AGBL3: variants seen among roughly 807,000 people sequenced by gnomAD.
AGBL3 encodes the protein cytosolic carboxypeptidase 3.
Under a neutral mutation model 94.5 loss-of-function variants are expected in AGBL3, and 68 were observed. The observed-to-expected ratio is 0.72, with a 90% CI of 0.59 to 0.88. AGBL3 has a LOEUF of 0.88. Among genes scored for constraint, AGBL3 ranks in the 40% least tolerant of loss-of-function variants. AGBL3 has a pLI of 0.00. For missense variants in AGBL3, 934 were observed against 1,103.8 expected (o/e 0.85, Z 2.18); for synonymous variants, 354 against 370.7 (o/e 0.95, Z 0.52).
intron 4 of AGBL3, among the ~76,000 whole-genome samples, chr7:135,009,759 C>T (rs2133453424): frequency 6.6e-6 from 1 of 152,202 alleles, no homozygotes; most frequent in South Asian, 2.1e-4. Context: ...ATCTGCAGCC[C>T]CAAGGGGCTT....
At chr7:135,061,968 G>T (rs1185991523) in intron 12 of AGBL3, among the ~76,000 whole-genome samples, 1 of 151,964 alleles carries the variant, frequency 6.6e-6, no homozygotes. Flanking sequence ...GATCACTTTG[G>T]GTAGTATGGA....
intron 11 of AGBL3, among the ~76,000 whole-genome samples, chr7:135,046,730 A>G (rs1230671687): frequency 1.3e-5 from 2 of 152,122 alleles, no homozygotes; most frequent in African/African-American, 4.8e-5. Context: ...CTACTGAAGG[A>G]CATCTTGGTT....
intron 7 of AGBL3, among the ~76,000 whole-genome samples, chr7:135,036,308 T>C (rs1404736492): frequency 1.3e-5 from 2 of 152,142 alleles, no homozygotes; most frequent in Non-Finnish European, 2.9e-5. Context: ...TTTTGTTATT[T>C]TTATATTGAG....
At chr7:135,032,530 T>C (rs1815871731) in intron 5 of AGBL3, among the ~76,000 whole-genome samples, 2 of 150,098 alleles carry the variant, frequency 1.3e-5, no homozygotes, top group African/African-American at 2.4e-5. Flanking sequence ...TTGCCCAGGG[T>C]GGTCTCGAAC....
intron 4 of AGBL3, among the ~76,000 whole-genome samples, chr7:134,999,296 A>G (rs1811411532): frequency 6.6e-6 from 1 of 152,182 alleles, no homozygotes; most frequent in Non-Finnish European, 1.5e-5. Context: ...ACCCTTTTAT[A>G]GTCTCTGGGG....
At chr7:135,006,554 T>C (rs1812411610) in intron 4 of AGBL3, among the ~76,000 whole-genome samples, 1 of 151,934 alleles carries the variant, frequency 6.6e-6, no homozygotes. Flanking sequence ...AATCTGCATA[T>C]GGAAGTGGCT....
chr7:135,039,871 G>A (rs1211631634), intron 8 of AGBL3, among the ~76,000 whole-genome samples: 1 of 151,742 alleles, frequency 6.6e-6, no homozygotes, highest in Non-Finnish European at 1.5e-5. Context: ...GAAAATGAGA[G>A]ACAATGAAAA....
intron 15 of AGBL3, among the ~76,000 whole-genome samples, chr7:135,099,693 C>T (rs1585107720): frequency 6.6e-6 from 1 of 152,032 alleles, no homozygotes. Context: ...ATAACCATTG[C>T]TAATCAGATG....
chr7:135,032,471 A>ATTT (rs375307379), intron 5 of AGBL3, among the ~76,000 whole-genome samples: 4 of 134,390 alleles, frequency 3.0e-5, no homozygotes, highest in African/African-American at 5.5e-5. Flanking sequence ...CACCTGGCTA[A>ATTT]TTTTTTTTTT....
In AGBL3 at chr7:135,034,894, C is replaced by A; in HGVS notation, c.1303C>A (p.Pro435Thr). Residue 435 changes from proline to threonine, a missense_variant, in exon 7 of 17, where the codon CCT becomes ACT. Physicochemically the swap from Pro to Thr is conservative, Grantham distance 38. Transcript: ENST00000436302. ...TACATCTCTCCTGAAGGAATCTTTT[C>A]CTTCTGTATGGTATACCCGGAACAT... ...NYTSLLKESF[P>T]SVWYTRNMVH... The A allele has an allele frequency of 6.5e-7, 1 of 1,544,198 alleles. No homozygotes were observed. Among genetic ancestry groups the A allele is most frequent in the Non-Finnish European group, 8.7e-7 (1 of 1,143,854 alleles).
At chr7:135,076,288 G>T in intron 12 of AGBL3, 109 bp from the exon 13 acceptor site, 1 of 844,692 alleles carries the variant, frequency 1.2e-6, no homozygotes, top group Non-Finnish European at 1.9e-6. Flanking sequence ...GAGGAATAAA[G>T]TACTTCTCAT....
At chr7:134,989,936 C>T (rs536388248) in intron 3 of AGBL3, among the ~76,000 whole-genome samples, 93 of 152,106 alleles carry the variant, frequency 6.1e-4, no homozygotes, top group South Asian at 4.6e-3. Flanking sequence ...TTTGCATATA[C>T]ACATATCTAT....
intron 13 of AGBL3, 54 bp from the exon 14 acceptor site, chr7:135,080,149 C>A: frequency 8.0e-7 from 1 of 1,248,372 alleles, no homozygotes; most frequent in Non-Finnish European, 1.1e-6. Flanking sequence ...GGAAATATAC[C>A]CCATTTCATG....
rs184042364 is a variant in AGBL3, at chr7:135,116,295, C to T, written c.2342+684C>T. On this transcript the variant is annotated intron_variant, in intron 16 of 16. Transcript: ENST00000436302. ...GAATCTGGAGTCAAATCCACCTAGACATTCTGACTACAGAGTCCTCCTGAA... is the reference window on the plus strand; with the variant it reads ...GAATCTGGAGTCAAATCCACCTAGATATTCTGACTACAGAGTCCTCCTGAA... Among the ~76,000 whole-genome samples the T allele has an allele frequency of 4.6e-5, 7 of 152,316 alleles. No homozygotes were observed. In the East Asian group the frequency reaches 1.3e-3, roughly 29 times the overall value.
At chr7:135,113,752 T>A (rs555642339) in intron 15 of AGBL3, among the ~76,000 whole-genome samples, 199 of 152,298 alleles carry the variant, frequency 1.3e-3, no homozygotes, top group African/African-American at 4.6e-3. Context: ...TGTGGTGCAA[T>A]CTCCAGAACT....
At chr7:135,060,218 C>CT (rs1379813714) in intron 12 of AGBL3, among the ~76,000 whole-genome samples, 2 of 152,170 alleles carry the variant, frequency 1.3e-5, no homozygotes, top group African/African-American at 4.8e-5. Context: ...GACAGTTTTA[C>CT]TAAATGTATC....
At chr7:135,016,517 C>A (rs955265624) in intron 4 of AGBL3, among the ~76,000 whole-genome samples, 1 of 151,458 alleles carries the variant, frequency 6.6e-6, no homozygotes, top group African/African-American at 2.4e-5. Flanking sequence ...GTCAGAAAGA[C>A]CTGAGAATAG....
chr7:134,990,011 T>C (rs1810026660), intron 3 of AGBL3, among the ~76,000 whole-genome samples: 1 of 152,232 alleles, frequency 6.6e-6, no homozygotes, highest in Non-Finnish European at 1.5e-5. Context: ...CTTTTCTGTT[T>C]TTTAAATTTT....
chr7:135,122,294 C>A (rs185531314), intron 16 of AGBL3, among the ~76,000 whole-genome samples: 1 of 152,158 alleles, frequency 6.6e-6, no homozygotes, highest in Non-Finnish European at 1.5e-5. Flanking sequence ...CCTCTTCAGG[C>A]CTGACCCTGA....
Sources: allele counts gnomAD v4.1 joint callset (sites outside exome capture counted in the v4.1 genomes callset), GRCh38; gene constraint gnomAD v4.1.1; transcripts MANE v1.5; gene names NCBI Gene and HGNC (gene_info 2026-07-23, HGNC 2026-07-21).